Variants in RFX1 observed in about 807,000 individuals in gnomAD.
RFX1 encodes MHC class II regulatory factor RFX1.
RFX1 carries 42 observed loss-of-function variants against 119.6 expected under a neutral mutation model. That is an observed-to-expected ratio of 0.35 (90% CI 0.27 to 0.45). RFX1 has a LOEUF of 0.45. Among genes scored for constraint, RFX1 ranks in the 20% least tolerant of loss-of-function variants. The probability of loss-of-function intolerance (pLI) is 1.00; values close to 1 mark genes in which losing one functional copy is unlikely to be tolerated. For missense variants in RFX1, 1,118 were observed against 1,368.1 expected (o/e 0.82, Z 2.88); for synonymous variants, 628 against 618.5 (o/e 1.02, Z -0.23).
At chr19:14,000,828 C>T (rs957645684) in intron 1 of RFX1, among the ~76,000 whole-genome samples, 3 of 152,254 alleles carry the variant, frequency 2.0e-5, no homozygotes, top group African/African-American at 7.2e-5. Flanking sequence ...GGCATGGCGG[C>T]TCACGCCTGT....
rs369233653 is a variant in RFX1 at position 13,968,686 on chromosome 19, G to A, written c.1617-6C>T. On this transcript the variant is annotated splice_polypyrimidine_tract_variant and splice_region_variant and intron_variant, in intron 11 of 20. Coordinates refer to ENST00000254325, the MANE Select transcript of RFX1 (RefSeq NM_002918.5). The surrounding 1 kb of genome is among the most constrained non-coding windows in gnomAD (Gnocchi z 5.5). ...TCTTCTGGATGGGCTTGAGCCTGGA[G>A]TAGAATGGGCAGGTGGGCCGGCTGC... 2 of 1,612,668 alleles carry A rather than the reference G, an allele frequency of 1.2e-6. No homozygotes were observed. Among genetic ancestry groups the A allele is most frequent in the Non-Finnish European group, 1.7e-6 (2 of 1,179,814 alleles).
rs1184358396 is a variant in RFX1 at position 13,990,804 on chromosome 19, G to C, written c.319+2721C>G. On this transcript the variant is annotated intron_variant, in intron 2 of 20. Coordinates refer to ENST00000254325, the MANE Select transcript of RFX1 (RefSeq NM_002918.5). This position sits in a 1 kb window ranked among gnomAD's most constrained non-coding sequence, Gnocchi z 4.1. ...TGCACTCCAGCCTGGGTGTCAGAGC[G>C]AGACTTTGTCTCAAAGAAAAAAAAA... Among the ~76,000 whole-genome samples, 1 of 151,018 alleles carries C rather than the reference G, an allele frequency of 6.6e-6. No homozygotes were observed. The highest frequency in any genetic ancestry group is 1.5e-5 in the Non-Finnish European group (1 of 67,810).
intron 16 of RFX1, among the ~76,000 whole-genome samples, chr19:13,964,673 G>A (rs1037633435): frequency 1.3e-5 from 2 of 152,076 alleles, no homozygotes; most frequent in African/African-American, 4.8e-5. Context: ...GTAGAGACAA[G>A]GTTTCACCAT....
At position 13,969,020 on chromosome 19, in the gene RFX1, A is replaced by G; in HGVS notation, c.1497-126T>C. The G allele has an allele frequency of 9.1e-7, 1 of 1,101,926 alleles. No homozygotes were observed. The highest frequency in any genetic ancestry group is 1.3e-6 in the Non-Finnish European group (1 of 780,944). 68.3% of individuals were successfully genotyped at this position (1,101,926 alleles called of 1,614,324 possible). A position where few individuals can be genotyped will look rare whatever the true frequency, so the allele number is the denominator to read the frequency against. On this transcript the variant is annotated intron_variant, in intron 10 of 20. Transcript: ENST00000254325. This position sits in a 1 kb window ranked among gnomAD's most constrained non-coding sequence, Gnocchi z 4.5. ...GGATAGAGAGACGCCTGCCCTGCAGAGACGGGGGTGCTGCACTGAGGAGGC... is the reference window on the plus strand; with the variant it reads ...GGATAGAGAGACGCCTGCCCTGCAGGGACGGGGGTGCTGCACTGAGGAGGC...
chr19:13,998,269 G>C (rs1022241200), intron 1 of RFX1: 1 of 152,244 alleles, frequency 6.6e-6, no homozygotes, highest in African/African-American at 2.4e-5. Context: ...TGGATCAGCT[G>C]AGGTCAGGAG....
intron 1 of RFX1, among the ~76,000 whole-genome samples, chr19:14,000,405 G>T (rs1040694973): frequency 6.6e-6 from 1 of 152,066 alleles, no homozygotes; most frequent in Admixed American, 6.6e-5. Context: ...AGGATCGCTT[G>T]AGTCTGGCGG....
chr19:13,991,130 A>G (rs1445494933), intron 2 of RFX1, among the ~76,000 whole-genome samples: 1 of 152,166 alleles, frequency 6.6e-6, no homozygotes, highest in East Asian at 1.9e-4. Context: ...GTGCTGCTTA[A>G]TCCAAGAAGG....
rs1174173386 is a variant in RFX1, at chr19:13,963,752, GCA to G, written c.2362-8_2362-7del. 1 of 1,570,502 alleles carries G rather than the reference GCA, an allele frequency of 6.4e-7. No homozygotes were observed. Among genetic ancestry groups the G allele is most frequent in the Non-Finnish European group, 8.6e-7 (1 of 1,160,070 alleles). ...CACACCCACGAGGCCTGCTCCTGGG[GCA>G]CAGAGGGTGGGCGGGCGCCCGGGGC... On this transcript the variant is annotated splice_polypyrimidine_tract_variant and splice_region_variant and intron_variant, in intron 17 of 20. Transcript: ENST00000254325.
intron 1 of RFX1, among the ~76,000 whole-genome samples, chr19:13,996,811 C>T (rs758279509): frequency 4.0e-5 from 6 of 151,260 alleles, no homozygotes; most frequent in Admixed American, 1.3e-4. Context: ...CAACCTCTGC[C>T]CCCACGGGTT....
Position 13,980,752 on chromosome 19 carries a change from TCACACA to T in RFX1, c.622-69_622-64del. ...GGCTTGCATCCTCTCTGAGGTGGGC[TCACACA>T]CACACCCTTCTCAGGAGAGCTGTCT... is the stretch of plus-strand genomic sequence containing the variant. On this transcript the variant is annotated intron_variant, in intron 5 of 20. Transcript: ENST00000254325. This position sits in a 1 kb window ranked among gnomAD's most constrained non-coding sequence, Gnocchi z 5.1. 50 of 939,438 alleles carry T rather than the reference TCACACA, an allele frequency of 5.3e-5. No individual in the cohort carries two copies. Among genetic ancestry groups the T allele is most frequent in the Admixed American group, 1.0e-4 (5 of 47,756 alleles). 58.2% of individuals were successfully genotyped at this position (939,438 alleles called of 1,614,324 possible). A position where few individuals can be genotyped will look rare whatever the true frequency, so the allele number is the denominator to read the frequency against.
chr19:13,970,949 C>T (rs1404434808), intron 9 of RFX1, among the ~76,000 whole-genome samples: 1 of 151,512 alleles, frequency 6.6e-6, no homozygotes, highest in Non-Finnish European at 1.5e-5. Flanking sequence ...TGCAGTGAGC[C>T]AAGATCGCAC....
Position 13,986,961 on chromosome 19 carries a change from G to A in RFX1, c.320-3366C>T, listed in dbSNP as rs1013401585. 2.0e-5 allele frequency among the ~76,000 whole-genome samples: 3 copies of A among 152,158 alleles called. No individual in the cohort carries two copies. The highest frequency in any genetic ancestry group is 2.9e-5 in the Non-Finnish European group (2 of 68,026). On this transcript the variant is annotated intron_variant, in intron 2 of 20. Coordinates refer to ENST00000254325, the MANE Select transcript of RFX1 (RefSeq NM_002918.5). This position sits in a 1 kb window ranked among gnomAD's most constrained non-coding sequence, Gnocchi z 4.2. ...ATGATGTCAGTCAGGGGCTCCTGGA[G>A]GGGCCCCTGCTGCCCCCAGTGTCCT...
In RFX1 at chr19:13,966,134, G is replaced by C. The variant is rs1310037729; in HGVS notation, c.1961+287C>G. On this transcript the variant is annotated intron_variant, in intron 14 of 20. Transcript: ENST00000254325. The surrounding 1 kb of genome is among the most constrained non-coding windows in gnomAD (Gnocchi z 6.3). ...GGGTCTGGTTGGCACAGGCCCGAGG[G>C]GTGGGACGGGATCCTATGCCCTACC... is the stretch of plus-strand genomic sequence containing the variant. Among the ~76,000 whole-genome samples, 1 of 152,114 alleles carries C rather than the reference G, an allele frequency of 6.6e-6. No individual in the cohort carries two copies. The highest frequency in any genetic ancestry group is 1.5e-5 in the Non-Finnish European group (1 of 67,996).
intron 12 of RFX1, among the ~76,000 whole-genome samples, chr19:13,967,373 G>T (rs1161689730): frequency 6.6e-6 from 1 of 151,194 alleles, no homozygotes; most frequent in Non-Finnish European, 1.5e-5. Context: ...ATGGGGTCTT[G>T]CTATGTTGCC....
rs763926758 is a variant in RFX1 at position 13,963,062 on chromosome 19, TG to T, written c.2725-24del. On this transcript the variant is annotated intron_variant, in intron 19 of 20. Coordinates refer to ENST00000254325, the MANE Select transcript of RFX1 (RefSeq NM_002918.5). ...GAACTGGAGGAAGAAGAGAAGAAAA[TG>T]GGTGAGGGTCCCGCCGCCTGGCGCC... 3.8e-6 allele frequency: 6 copies of T among 1,587,240 alleles called. No individual in the cohort carries two copies. The East Asian group carries it at 1.1e-4, about 30-fold the overall frequency.
intron 2 of RFX1, among the ~76,000 whole-genome samples, chr19:13,988,021 G>A (rs1163920834): frequency 1.4e-5 from 2 of 147,652 alleles, no homozygotes; most frequent in Non-Finnish European, 3.0e-5. Context: ...TTGACTTCTT[G>A]CTCTTTTTTT....
At chr19:14,001,723 G>A (rs7258304) in intron 1 of RFX1, among the ~76,000 whole-genome samples, 1,637 of 152,330 alleles carry the variant, frequency 0.011, 35 homozygotes, top group African/African-American at 0.037. Context: ...AGGCAAGGCC[G>A]GGAGCAGTGG....
chr19:13,966,563 G>C lies in RFX1; in HGVS notation c.1852-33C>G, dbSNP rs760255020. On this transcript the variant is annotated intron_variant, in intron 13 of 20. Coordinates refer to ENST00000254325, the MANE Select transcript of RFX1 (RefSeq NM_002918.5). This position sits in a 1 kb window ranked among gnomAD's most constrained non-coding sequence, Gnocchi z 6.3. ...AGAGGCGGATGCTCAGGGAGGCTGG[G>C]GGGCAGCATGGCCCTCCCATGCCCG... 2 of 1,533,456 alleles carry C rather than the reference G, an allele frequency of 1.3e-6. No homozygotes were observed. The highest frequency in any genetic ancestry group is 2.3e-5 in the East Asian group (1 of 43,240). 95.0% of individuals were successfully genotyped at this position (1,533,456 alleles called of 1,614,324 possible). A position where few individuals can be genotyped will look rare whatever the true frequency, so the allele number is the denominator to read the frequency against.
chr19:14,000,442 G>C (rs981405970), intron 1 of RFX1, among the ~76,000 whole-genome samples: 1 of 151,880 alleles, frequency 6.6e-6, no homozygotes. Flanking sequence ...AGCTGAGATT[G>C]TGCCACTGCA....
Sources: allele counts gnomAD v4.1 joint callset (sites outside exome capture counted in the v4.1 genomes callset), GRCh38; gene constraint gnomAD v4.1.1; non-coding constraint Gnocchi (gnomAD v3.1); transcripts MANE v1.5; gene names NCBI Gene and HGNC (gene_info 2026-07-23, HGNC 2026-07-21).